The following CFAP70 variants were observed in gnomAD, a reference collection of about 807,000 sequenced individuals.
CFAP70 encodes cilia and flagella associated protein 70, also known as cilia- and flagella-associated protein 70.
Under a neutral mutation model 137.6 loss-of-function variants are expected in CFAP70, and 81 were observed. The observed-to-expected ratio is 0.59, with a 90% CI of 0.49 to 0.71. The LOEUF is 0.71. Ranked by LOEUF, CFAP70 falls within the 30% of genes least tolerant of loss-of-function variation. CFAP70 has a pLI of 0.00. For synonymous variants in CFAP70, 382 were observed against 423.6 expected, an observed-to-expected ratio of 0.90 and a Z score of 1.20; for missense variants, 976 against 1,226.7, an observed-to-expected ratio of 0.80 and a Z score of 3.05.
intron 9 of CFAP70, among the ~76,000 whole-genome samples, chr10:73,321,716 A>G (rs747238554): frequency 6.6e-6 from 1 of 152,116 alleles, no homozygotes; most frequent in Non-Finnish European, 1.5e-5. Context: ...TTCATATTCT[A>G]GTTCATTAAT....
chr10:73,282,924 C>T (rs904061948), intron 19 of CFAP70, among the ~76,000 whole-genome samples: 9 of 149,970 alleles, frequency 6.0e-5, no homozygotes, highest in African/African-American at 1.5e-4. Context: ...ACTCTGCCTC[C>T]GGAGTTAAAG....
chr10:73,331,353 C>T, intron 7 of CFAP70, 77 bp from the exon 9 acceptor site: 1 of 1,247,056 alleles, frequency 8.0e-7, no homozygotes, highest in South Asian at 1.3e-5. Flanking sequence ...GGGAAATATT[C>T]TCTTTTAGAA....
intron 5 of CFAP70, among the ~76,000 whole-genome samples, chr10:73,341,800 TG>T (rs1442565799): frequency 1.3e-5 from 2 of 152,250 alleles, no homozygotes; most frequent in Non-Finnish European, 1.5e-5. Flanking sequence ...AAATTATTCT[TG>T]TTCATAAATA....
At chr10:73,319,833 G>A (rs964519484) in intron 9 of CFAP70, among the ~76,000 whole-genome samples, 11 of 152,232 alleles carry the variant, frequency 7.2e-5, no homozygotes, top group Non-Finnish European at 1.2e-4. Flanking sequence ...GATAACTACC[G>A]TTATTTAAAT....
chr10:73,278,467 T>G, intron 19 of CFAP70, 130 bp from the exon 21 acceptor site: 1 of 704,416 alleles, frequency 1.4e-6, no homozygotes, highest in East Asian at 2.8e-5. Context: ...CAGACTTGTT[T>G]GGTAGACTTG....
intron 8 of CFAP70, among the ~76,000 whole-genome samples, chr10:73,326,230 A>G (rs1305315484): frequency 1.3e-5 from 2 of 151,890 alleles, no homozygotes; most frequent in Non-Finnish European, 2.9e-5. Flanking sequence ...CTGCTCCTGA[A>G]TGACTATTGG....
chr10:73,345,689 C>T (rs1219341524), intron 4 of CFAP70, among the ~76,000 whole-genome samples: 1 of 151,850 alleles, frequency 6.6e-6, no homozygotes, highest in African/African-American at 2.4e-5. Flanking sequence ...CCTGTAGTCC[C>T]AGCTGCTGGG....
At chr10:73,255,232 TAA>T (rs2044358328) in intron 26 of CFAP70, among the ~76,000 whole-genome samples, 1 of 152,204 alleles carries the variant, frequency 6.6e-6, no homozygotes, top group African/African-American at 2.4e-5. Context: ...CCCTATCTAC[TAA>T]AAATACAAAA....
intron 9 of CFAP70, among the ~76,000 whole-genome samples, chr10:73,320,293 T>C (rs1231827678): frequency 6.6e-6 from 1 of 152,162 alleles, no homozygotes; most frequent in Admixed American, 6.5e-5. Flanking sequence ...CTATATTATA[T>C]GTAACATTTG....
chr10:73,301,365 G>T (rs2048943066), intron 12 of CFAP70, among the ~76,000 whole-genome samples: 1 of 152,130 alleles, frequency 6.6e-6, no homozygotes, highest in Non-Finnish European at 1.5e-5. Context: ...AAAATGTGTG[G>T]CACCTCCCCC....
chr10:73,285,041 A>C (rs1216332194), intron 19 of CFAP70, among the ~76,000 whole-genome samples: 1 of 151,890 alleles, frequency 6.6e-6, no homozygotes, highest in Non-Finnish European at 1.5e-5. Context: ...CAGCTGATAG[A>C]ATGGAAACTA....
intron 9 of CFAP70, among the ~76,000 whole-genome samples, chr10:73,321,218 A>T (rs1441343286): frequency 6.6e-6 from 1 of 152,056 alleles, no homozygotes; most frequent in Non-Finnish European, 1.5e-5. Context: ...GGAGTTTAAG[A>T]CCAGCCTGTC....
At chr10:73,358,068 C>T (rs1564901163) in intron 1 of CFAP70, among the ~76,000 whole-genome samples, 1 of 152,228 alleles carries the variant, frequency 6.6e-6, no homozygotes, top group Non-Finnish European at 1.5e-5. Flanking sequence ...ACCTGTTTCA[C>T]ATTTATTGTG....
chr10:73,288,243 A>G (rs1162152748), intron 19 of CFAP70, among the ~76,000 whole-genome samples: 2 of 152,156 alleles, frequency 1.3e-5, no homozygotes, highest in African/African-American at 4.8e-5. Flanking sequence ...CTTTTGAAGC[A>G]TGCGGGGGAA....
chr10:73,288,338 C>T (rs2047902960), intron 19 of CFAP70, among the ~76,000 whole-genome samples: 1 of 151,842 alleles, frequency 6.6e-6, no homozygotes, highest in African/African-American at 2.4e-5. Context: ...TATAAAAGAA[C>T]AAAAAAATAC....
chr10:73,316,481 G>GATATATCTATATATATATATAT, intron 9 of CFAP70, among the ~76,000 whole-genome samples: 1 of 106,550 alleles, frequency 9.4e-6, no homozygotes, highest in African/African-American at 3.6e-5. Context: ...TATATATATA[G>GATATATCTATATATATATATAT]ATATAGATAT....
chr10:73,289,428 G>C (rs1464481804), intron 19 of CFAP70, among the ~76,000 whole-genome samples: 1 of 151,954 alleles, frequency 6.6e-6, no homozygotes, highest in Non-Finnish European at 1.5e-5. Context: ...TGGGACTACA[G>C]GCCTGTGCCA....
At chr10:73,308,141 C>A (rs193013518) in intron 12 of CFAP70, among the ~76,000 whole-genome samples, 1 of 151,206 alleles carries the variant, frequency 6.6e-6, no homozygotes, top group Non-Finnish European at 1.5e-5. Context: ...GGTGACAGAG[C>A]GAGACTCTAT....
intron 7 of CFAP70, 43 bp from the exon 9 acceptor site, chr10:73,331,319 A>T (rs1408047252): frequency 1.3e-6 from 2 of 1,490,454 alleles, no homozygotes; most frequent in African/African-American, 2.8e-5. Flanking sequence ...ATGCAAAAAT[A>T]AAGTCAGTAT....
Sources: gnomAD v4.1 joint callset for allele counts (sites outside exome capture counted in the v4.1 genomes callset) on GRCh38, gnomAD v4.1.1 for gene constraint, MANE v1.5 for transcripts, NCBI Gene and HGNC (gene_info 2026-07-23, HGNC 2026-07-21) for gene names.